EHD4: variants seen among roughly 807,000 people sequenced by gnomAD.
EHD4 encodes EH domain-containing protein 4.
In EHD4, 37 loss-of-function variants were observed where a neutral mutation model predicts 51.0. That is an observed-to-expected ratio of 0.73 (90% CI 0.56 to 0.95). The LOEUF (loss-of-function observed/expected upper bound fraction) is 0.95, where lower values mean the gene tolerates loss of function less well. EHD4 is among the 40% of genes least tolerant of loss of function. The probability of loss-of-function intolerance (pLI) is 0.00; values close to 1 mark genes in which losing one functional copy is unlikely to be tolerated. For missense variants in EHD4, 632 were observed against 733.1 expected, an observed-to-expected ratio of 0.86 and a Z score of 1.59; for synonymous variants, 297 against 317.3, an observed-to-expected ratio of 0.94 and a Z score of 0.68.
At chr15:41,924,774 T>C (rs957342469) in intron 3 of EHD4, among the ~76,000 whole-genome samples, 1 of 152,070 alleles carries the variant, frequency 6.6e-6, no homozygotes, top group Non-Finnish European at 1.5e-5. Context: ...TACAATTAGA[T>C]AGAATAGATG....
chr15:41,969,034 A>C (rs1048694744), intron 1 of EHD4, among the ~76,000 whole-genome samples: 1 of 152,240 alleles, frequency 6.6e-6, no homozygotes, highest in African/African-American at 2.4e-5. Flanking sequence ...GTGGTTTCTT[A>C]GGATTCTCTA....
At chr15:41,917,096 C>T (rs377266701) in intron 4 of EHD4, among the ~76,000 whole-genome samples, 1 of 141,788 alleles carries the variant, frequency 7.1e-6, no homozygotes, top group African/African-American at 2.6e-5. Context: ...CTTTCTGCTC[C>T]TTATTTATTT....
rs535437137 is a variant in EHD4, at chr15:41,899,216, A to C, written c.*1429T>G. On this transcript the variant is annotated 3_prime_UTR_variant, in exon 6 of 6. Coordinates refer to ENST00000220325, the MANE Select transcript of EHD4 (RefSeq NM_139265.4). ...ATGCAGAGAGGCCATGCAGGTATGCAATTTTCTGGAGATGAGGCAGGGAGA... is the reference window on the plus strand; with the variant it reads ...ATGCAGAGAGGCCATGCAGGTATGCCATTTTCTGGAGATGAGGCAGGGAGA... 4 of 152,152 alleles carry C rather than the reference A, an allele frequency of 2.6e-5. No homozygotes were observed. The highest frequency in any genetic ancestry group is 5.9e-5 in the Non-Finnish European group (4 of 68,034). 9.4% of individuals were successfully genotyped at this position (152,152 alleles called of 1,614,324 possible). A position where few individuals can be genotyped will look rare whatever the true frequency, so the allele number is the denominator to read the frequency against.
chr15:41,950,205 G>T (rs930408149), intron 2 of EHD4, among the ~76,000 whole-genome samples: 3 of 152,194 alleles, frequency 2.0e-5, no homozygotes, highest in African/African-American at 7.2e-5. Context: ...TCGCTCCTTA[G>T]AAGCCAGCCT....
At chr15:41,946,048 A>G (rs1167269508) in intron 2 of EHD4, among the ~76,000 whole-genome samples, 1 of 152,218 alleles carries the variant, frequency 6.6e-6, no homozygotes, top group Admixed American at 6.5e-5. Context: ...GGTGCCTGAC[A>G]CCCAGTAAGG....
In EHD4 at chr15:41,916,867, GA is replaced by G. The variant is rs374617807; in HGVS notation, c.924+2342del. Among the ~76,000 whole-genome samples, 339 of 152,286 alleles carry G rather than the reference GA, an allele frequency of 2.2e-3. 2 individuals carry two copies. The highest frequency in any genetic ancestry group is 7.7e-3 in the African/African-American group (320 of 41,566). On this transcript the variant is annotated intron_variant, in intron 4 of 5. Coordinates refer to ENST00000220325, the MANE Select transcript of EHD4 (RefSeq NM_139265.4). Reference sequence around the variant, plus strand: ...ACAAGCCAGATACTATTCTTAGGAAGAAAAAAACCACAAGCCTTTTTCCTGC... The same window carrying G: ...ACAAGCCAGATACTATTCTTAGGAAGAAAAAACCACAAGCCTTTTTCCTGC...
intron 2 of EHD4, among the ~76,000 whole-genome samples, chr15:41,951,389 G>C (rs1269873188): frequency 2.0e-5 from 3 of 152,162 alleles, no homozygotes; most frequent in African/African-American, 7.2e-5. Context: ...TCTGAGACAA[G>C]AGCTTTGCCA....
chr15:41,903,453 TACAC>T (rs146543286), intron 5 of EHD4, among the ~76,000 whole-genome samples: 2,052 of 144,462 alleles, frequency 0.014, 23 homozygotes, highest in African/African-American at 0.026. Context: ...TTAACATACA[TACAC>T]ACACACACAC....
chr15:41,931,061 A>G (rs1704401), intron 3 of EHD4, among the ~76,000 whole-genome samples: 43,816 of 152,118 alleles, frequency 0.29, 7,250 homozygotes, highest in East Asian at 0.61. Flanking sequence ...TAATAAAAAG[A>G]CCGCCGCTCC....
intron 3 of EHD4, among the ~76,000 whole-genome samples, chr15:41,940,887 G>A (rs1057093972): frequency 2.0e-4 from 30 of 152,190 alleles, no homozygotes; most frequent in African/African-American, 7.0e-4. Context: ...GCCTACCAAT[G>A]AAAACAAATG....
intron 1 of EHD4, among the ~76,000 whole-genome samples, chr15:41,954,926 G>A (rs938835208): frequency 7.9e-5 from 12 of 152,200 alleles, no homozygotes; most frequent in Admixed American, 7.2e-4. Flanking sequence ...CACCGCAACT[G>A]GCCTAAAACT....
chr15:41,919,316 A>G lies in EHD4; in HGVS notation c.818T>C (p.Leu273Pro), dbSNP rs776158221. Residue 273 changes from leucine (L) to proline (P), a missense_variant, in exon 4 of 6, where the codon CTC (leucine) becomes CCC (proline). Coordinates refer to ENST00000220325, the MANE Select transcript of EHD4 (RefSeq NM_139265.4). ...QPLQNTDNRR[L>P]FEAEAQDLFR... ...GAGGTCCTGGGCCTCAGCCTCGAAG[A>G]GCCGGCGGTTGTCCGTGTTCTGCAG... is the stretch of plus-strand genomic sequence containing the variant. The G allele has an allele frequency of 1.2e-6, 2 of 1,614,194 alleles. No individual in the cohort carries two copies. Among genetic ancestry groups the G allele is most frequent in the Admixed American group, 3.3e-5 (2 of 60,024 alleles).
intron 4 of EHD4, among the ~76,000 whole-genome samples, chr15:41,915,218 C>T (rs1451022480): frequency 6.6e-6 from 1 of 152,112 alleles, no homozygotes; most frequent in African/African-American, 2.4e-5. Flanking sequence ...GAGTTATTAG[C>T]CTAGAGAAAA....
At chr15:41,919,012 AG>A (rs1265675914) in intron 4 of EHD4, among the ~76,000 whole-genome samples, 197 bp downstream of exon 4, 4 of 152,208 alleles carry the variant, frequency 2.6e-5, no homozygotes, top group Admixed American at 6.5e-5. Context: ...GAACAGGGTT[AG>A]TCATCTGCCC....
At chr15:41,915,895 GA>G (rs1362537480) in intron 4 of EHD4, among the ~76,000 whole-genome samples, 1 of 151,990 alleles carries the variant, frequency 6.6e-6, no homozygotes, top group Admixed American at 6.6e-5. Flanking sequence ...ACAGAGATGT[GA>G]AAAAAATATA....
intron 3 of EHD4, among the ~76,000 whole-genome samples, chr15:41,920,805 C>T (rs2067619770): frequency 6.6e-6 from 1 of 152,122 alleles, no homozygotes; most frequent in Admixed American, 6.5e-5. Context: ...AGCTTAGTTT[C>T]AAAAGGACAT....
intron 4 of EHD4, among the ~76,000 whole-genome samples, chr15:41,915,106 ACACAC>A (rs922164929): frequency 1.3e-5 from 2 of 152,048 alleles, no homozygotes; most frequent in African/African-American, 2.4e-5. Flanking sequence ...ACACACACAC[ACACAC>A]ATCATTGGAC....
chr15:41,921,253 T>C (rs1478094201), intron 3 of EHD4, among the ~76,000 whole-genome samples: 1 of 152,168 alleles, frequency 6.6e-6, no homozygotes, highest in Non-Finnish European at 1.5e-5. Context: ...CTCTGTTCTG[T>C]CTCACTGCGG....
At chr15:41,943,275 G>T in intron 2 of EHD4, 111 bp from the exon 3 acceptor site, 3 of 755,774 alleles carry the variant, frequency 4.0e-6, no homozygotes, top group Non-Finnish European at 6.3e-6. Flanking sequence ...GTGGGGGCCT[G>T]AAGGAGACTG....
Sources: gnomAD v4.1 joint callset for allele counts (sites outside exome capture counted in the v4.1 genomes callset) on GRCh38, gnomAD v4.1.1 for gene constraint, MANE v1.5 for transcripts, NCBI Gene and HGNC (gene_info 2026-07-23, HGNC 2026-07-21) for gene names.